The following SEMA6D variants were observed in gnomAD, a reference collection of about 807,000 sequenced individuals.
SEMA6D encodes the protein semaphorin 6D.
In SEMA6D, 35 loss-of-function variants were observed where a neutral mutation model predicts 106.6. That is an observed-to-expected ratio of 0.33 (90% CI 0.25 to 0.44). The LOEUF is 0.44. Among genes scored for constraint, SEMA6D ranks in the 20% least tolerant of loss-of-function variants. The pLI, the probability that SEMA6D is intolerant of heterozygous loss-of-function variation, is 1.00. For missense variants in SEMA6D, 1,185 were observed against 1,345.9 expected (o/e 0.88, Z 1.87); for synonymous variants, 499 against 487.7 (o/e 1.02, Z -0.31).
At chr15:47,545,857 A>G (rs1327565514) in intron 3 of SEMA6D, among the ~76,000 whole-genome samples, 1 of 152,046 alleles carries the variant, frequency 6.6e-6, no homozygotes, top group Non-Finnish European at 1.5e-5. Flanking sequence ...ATCTCTTCCT[A>G]ATCCATCTGC....
In SEMA6D at chr15:47,237,431, A is replaced by AT. The variant is rs1409885232; in HGVS notation, c.-239+53020dup. Reference sequence around the variant, plus strand: ...ACTGTCATGATAAACGTTTCTAGTAATTTTTTTCACTTATTGTTCTCTCAA... The same window carrying AT: ...ACTGTCATGATAAACGTTTCTAGTAATTTTTTTTCACTTATTGTTCTCTCAA... On this transcript the variant is annotated intron_variant, in intron 1 of 19. Coordinates refer to the SEMA6D transcript ENST00000558014. 1.0e-4 allele frequency among the ~76,000 whole-genome samples: 12 copies of AT among 119,286 alleles called. No individual in the cohort carries two copies. In the East Asian group the frequency reaches 1.2e-3, roughly 12 times the overall value. The allele number at this position is 119,286 out of a possible 152,430, so 78.3% of individuals were successfully genotyped here.
At chr15:47,202,797 A>T (rs1021827425) in intron 1 of SEMA6D, among the ~76,000 whole-genome samples, 13 of 152,122 alleles carry the variant, frequency 8.5e-5, no homozygotes, top group Non-Finnish European at 1.6e-4. Flanking sequence ...GCAAGAATTG[A>T]GGTTGCTTCA....
At position 47,770,565 on chromosome 15, in the gene SEMA6D, G is replaced by A. The variant is rs1323376736; in HGVS notation, c.2002G>A (p.Val668Ile). The A allele has an allele frequency of 6.2e-7, 1 of 1,613,912 alleles. No individual in the cohort carries two copies. Among genetic ancestry groups the A allele is most frequent in the Admixed American group, 1.7e-5 (1 of 60,004 alleles). The change falls in exon 19 of 19, where the codon GTC (valine) becomes ATC (isoleucine). Residue 668 changes from valine to isoleucine, a missense_variant. Around this residue, in one of 3 missense-constraint regions of SEMA6D, gnomAD observed 750 missense variants for 783.5 expected, o/e 0.96. Coordinates refer to ENST00000536845, the MANE Select transcript of SEMA6D (RefSeq NM_001358351.3). ...CCACATGAATGTCCTCATCACCTGT[G>A]TCTTTGCTGCTTTTGTTTTGGGGGC... ...MVHMNVLITC[V>I]FAAFVLGAFI...
At chr15:47,507,331 A>C in intron 3 of SEMA6D, among the ~76,000 whole-genome samples, 1 of 151,248 alleles carries the variant, frequency 6.6e-6, no homozygotes, top group East Asian at 2.0e-4. Flanking sequence ...TGGGCTCTCA[A>C]GTGGGACACC....
At chr15:47,526,247 A>G (rs1441246032) in intron 3 of SEMA6D, among the ~76,000 whole-genome samples, 1 of 152,124 alleles carries the variant, frequency 6.6e-6, no homozygotes, top group Non-Finnish European at 1.5e-5. Context: ...GCTAAGGCCT[A>G]TTGACCATTT....
intron 2 of SEMA6D, among the ~76,000 whole-genome samples, chr15:47,466,411 G>A (rs2042661452): frequency 6.6e-6 from 1 of 152,066 alleles, no homozygotes; most frequent in Non-Finnish European, 1.5e-5. Flanking sequence ...TGCAGTATTT[G>A]TCTTTCTGTG....
At chr15:47,633,486 T>C (rs1434567815) in intron 4 of SEMA6D, among the ~76,000 whole-genome samples, 2 of 152,206 alleles carry the variant, frequency 1.3e-5, no homozygotes, top group Non-Finnish European at 2.9e-5. Flanking sequence ...TAAGAAATCC[T>C]CTGTCATACA....
chr15:47,766,970 G>A, intron 16 of SEMA6D, 67 bp from the exon 17 acceptor site: 1 of 850,366 alleles, frequency 1.2e-6, no homozygotes, highest in Non-Finnish European at 1.8e-6. Context: ...TAGTTAATTG[G>A]AATTCATAAA....
intron 3 of SEMA6D, among the ~76,000 whole-genome samples, chr15:47,548,601 A>G (rs561021597): frequency 2.2e-4 from 33 of 152,254 alleles, no homozygotes; most frequent in African/African-American, 7.7e-4. Context: ...TTAGGACAGA[A>G]CATTGTGCTC....
In SEMA6D at chr15:47,760,352, C is replaced by T. The variant is rs755772605; in HGVS notation, c.158C>T (p.Ser53Leu). 2 of 1,613,650 alleles carry T rather than the reference C, an allele frequency of 1.2e-6. No homozygotes were observed. The highest frequency in any genetic ancestry group is 8.5e-7 in the Non-Finnish European group (1 of 1,179,688). The change falls in exon 3 of 19, where the codon TCG (serine) becomes TTG (leucine). Residue 53 changes from serine (S) to leucine (L), a missense_variant. Around this residue, in one of 3 missense-constraint regions of SEMA6D, gnomAD observed 144 missense variants for 138.6 expected, o/e 1.04. Coordinates refer to ENST00000536845, the MANE Select transcript of SEMA6D (RefSeq NM_001358351.3). ...VFRGRPSGNE[S>L]QHRLDFQLML... ...AGAGGACGCCCTTCAGGCAATGAAT[C>T]GCAGCACAGGCTGGACTTTCAGCTG...
intron 2 of SEMA6D, among the ~76,000 whole-genome samples, chr15:47,468,183 G>T (rs1023311699): frequency 4.6e-5 from 7 of 151,560 alleles, no homozygotes; most frequent in Admixed American, 4.6e-4. Context: ...GTGTGCGGGT[G>T]TGTGTGTGTG....
chr15:47,348,276 C>G (rs1439780650), intron 1 of SEMA6D, among the ~76,000 whole-genome samples: 1 of 152,086 alleles, frequency 6.6e-6, no homozygotes, highest in African/African-American at 2.4e-5. Flanking sequence ...CAGTATGACC[C>G]TGGAAAAGTT....
At chr15:47,656,713 A>G (rs2077802979) in intron 4 of SEMA6D, among the ~76,000 whole-genome samples, 1 of 152,176 alleles carries the variant, frequency 6.6e-6, no homozygotes, top group African/African-American at 2.4e-5. Flanking sequence ...CTCAGCATCA[A>G]ATGCAGTTGA....
chr15:47,395,773 C>T (rs1056971589), intron 1 of SEMA6D: 9 of 152,326 alleles, frequency 5.9e-5, no homozygotes, highest in East Asian at 3.9e-4. Flanking sequence ...GCAGTAGGTT[C>T]GTATACCTAG....
chr15:47,693,894 G>T (rs2078644033), intron 4 of SEMA6D, among the ~76,000 whole-genome samples: 1 of 152,022 alleles, frequency 6.6e-6, no homozygotes, highest in Non-Finnish European at 1.5e-5. Context: ...AGTGAGCCGT[G>T]ATCGCACCAC....
chr15:47,286,681 A>G (rs1291869734), intron 1 of SEMA6D, among the ~76,000 whole-genome samples: 1 of 152,186 alleles, frequency 6.6e-6, no homozygotes, highest in Non-Finnish European at 1.5e-5. Flanking sequence ...GCATTTGGAA[A>G]AGGGAAGACT....
chr15:47,670,287 T>G (rs1227235714), intron 4 of SEMA6D, among the ~76,000 whole-genome samples: 1 of 152,174 alleles, frequency 6.6e-6, no homozygotes, highest in Non-Finnish European at 1.5e-5. Flanking sequence ...TAGTAATGTG[T>G]TCTTCATGAC....
At chr15:47,356,189 G>T (rs1285972834) in intron 1 of SEMA6D, among the ~76,000 whole-genome samples, 1 of 152,168 alleles carries the variant, frequency 6.6e-6, no homozygotes, top group African/African-American at 2.4e-5. Context: ...AAAGAAAAGA[G>T]ATGGCAAGAG....
At chr15:47,730,761 G>C in intron 1 of SEMA6D, 1 of 1,598,892 alleles carries the variant, frequency 6.3e-7, no homozygotes, top group Non-Finnish European at 8.5e-7. Context: ...ACCTGATATA[G>C]TGGGGCCATT....
Sources: gnomAD v4.1 joint callset for allele counts (sites outside exome capture counted in the v4.1 genomes callset) on GRCh38, gnomAD v4.1.1 for gene constraint, gnomAD v4.1.1 regional missense constraint, MANE v1.5 for transcripts, NCBI Gene and HGNC (gene_info 2026-07-23, HGNC 2026-07-21) for gene names.